The following SAFB variants were observed in gnomAD, a reference collection of about 807,000 sequenced individuals.
SAFB encodes the protein scaffold attachment factor B, also known as scaffold attachment factor B1.
SAFB carries 15 observed loss-of-function variants against 101.6 expected under a neutral mutation model. The ratio of observed to expected loss-of-function variants is 0.15; its 90% CI spans 0.10 to 0.23. The LOEUF (loss-of-function observed/expected upper bound fraction) is 0.23, where lower values mean the gene tolerates loss of function less well. Ranked by LOEUF, SAFB falls within the 10% of genes least tolerant of loss-of-function variation. SAFB has a pLI of 1.00. For synonymous variants in SAFB, 449 were observed against 407.5 expected (o/e 1.10, Z -1.23); for missense variants, 930 against 1,104.1 (o/e 0.84, Z 2.23).
At chr19:5,658,610 G>A (rs974952254) in intron 14 of SAFB, among the ~76,000 whole-genome samples, 3 of 146,446 alleles carry the variant, frequency 2.0e-5, no homozygotes, top group Non-Finnish European at 4.5e-5. Context: ...GAGGCCGACC[G>A]AGGCTGGCGG....
intron 14 of SAFB, among the ~76,000 whole-genome samples, chr19:5,659,585 G>A (rs1429367361): frequency 6.6e-6 from 1 of 151,834 alleles, no homozygotes; most frequent in African/African-American, 2.4e-5. Context: ...GTTTCACCGT[G>A]TTAGCCAGGA....
chr19:5,660,408 A>G (rs897439688), intron 14 of SAFB, among the ~76,000 whole-genome samples: 1 of 123,294 alleles, frequency 8.1e-6, no homozygotes, highest in Non-Finnish European at 1.6e-5. Context: ...GCTGGAGTTA[A>G]GTGGTGCAAT....
intron 15 of SAFB, 66 bp from the exon 16 acceptor site, chr19:5,663,956 C>G: frequency 6.4e-7 from 1 of 1,554,996 alleles, no homozygotes; most frequent in Non-Finnish European, 8.8e-7. Flanking sequence ...GGGCCAGCTC[C>G]CACAAAGGTG....
intron 2 of SAFB, among the ~76,000 whole-genome samples, chr19:5,626,979 G>C (rs1400952684): frequency 2.6e-5 from 4 of 152,112 alleles, no homozygotes; most frequent in African/African-American, 9.7e-5. Context: ...AGGAGGTTGA[G>C]ATCAGCTTGG....
chr19:5,631,796 A>T (rs922069255), intron 2 of SAFB, among the ~76,000 whole-genome samples: 6 of 152,186 alleles, frequency 3.9e-5, no homozygotes, highest in African/African-American at 1.4e-4. Context: ...CTGTAAGCCC[A>T]ACAGTTTGGG....
At position 5,639,588 on chromosome 19, in the gene SAFB, G is replaced by A. The variant is rs377084540; in HGVS notation, c.275-2006G>A. 8.0e-4 allele frequency among the ~76,000 whole-genome samples: 121 copies of A among 151,584 alleles called. 1 individual carries two copies. The highest frequency in any genetic ancestry group is 2.9e-3 in the African/African-American group (118 of 41,372). ...GGCGCCTGTAATCCCAGCTACTCAG[G>A]CGGCTGAGGCAGGAGAATCACTTGA... On this transcript the variant is annotated intron_variant, in intron 2 of 20. Coordinates refer to ENST00000588852, the MANE Select transcript of SAFB (RefSeq NM_001201338.2).
At chr19:5,661,884 GAT>G in intron 15 of SAFB, 76 bp downstream of exon 15, 1 of 966,100 alleles carries the variant, frequency 1.0e-6, no homozygotes. Flanking sequence ...GTTAGCTTGA[GAT>G]TTTTTTTTTT....
chr19:5,644,733 C>A (rs953680480), intron 4 of SAFB, among the ~76,000 whole-genome samples: 3 of 152,206 alleles, frequency 2.0e-5, no homozygotes, highest in Non-Finnish European at 4.4e-5. Flanking sequence ...ATTATCTGAA[C>A]CCCCTTTCTT....
chr19:5,661,347 C>CA, intron 14 of SAFB, 171 bp from the exon 15 acceptor site: 1 of 1,175,214 alleles, frequency 8.5e-7, no homozygotes, highest in South Asian at 1.6e-5. Context: ...TCTTCCTGGG[C>CA]TGCTCCTGTG....
At position 5,623,238 on chromosome 19, in the gene SAFB, T is replaced by C. The variant is rs750912541; in HGVS notation, c.33T>C (p.Ser11=). The C allele has an allele frequency of 1.0e-5, 16 of 1,606,926 alleles. No homozygotes were observed. In the East Asian group the frequency reaches 2.7e-4, roughly 27 times the overall value. MAETLSGLGD[S]GAAGAAALSS... ...AGACTCTGTCAGGCCTAGGTGATTC[T>C]GGAGCGGCGGGCGCGGCGGCTCTGA... Residue 11 remains serine (S), a synonymous_variant, in exon 1 of 21, where the codon TCT becomes TCC. Coordinates refer to ENST00000588852, the MANE Select transcript of SAFB (RefSeq NM_001201338.2).
At chr19:5,659,301 G>C (rs2054140425) in intron 14 of SAFB, among the ~76,000 whole-genome samples, 1 of 152,124 alleles carries the variant, frequency 6.6e-6, no homozygotes, top group African/African-American at 2.4e-5. Flanking sequence ...GCAAAACGCT[G>C]TCTCAAATAA....
chr19:5,659,470 C>T (rs1317520186), intron 14 of SAFB, among the ~76,000 whole-genome samples: 5 of 151,814 alleles, frequency 3.3e-5, no homozygotes, highest in Non-Finnish European at 5.9e-5. Context: ...CAAGCTCCGT[C>T]CCCTGGGTTC....
chr19:5,637,582 C>G (rs1409915800), intron 2 of SAFB, among the ~76,000 whole-genome samples: 2 of 151,716 alleles, frequency 1.3e-5, no homozygotes, highest in Non-Finnish European at 2.9e-5. Context: ...CTTGAGGATC[C>G]CTTGATGCTG....
chr19:5,631,281 C>T (rs576880770), intron 2 of SAFB, among the ~76,000 whole-genome samples: 7 of 152,286 alleles, frequency 4.6e-5, no homozygotes, highest in South Asian at 2.1e-4. Flanking sequence ...AAATAAAAGT[C>T]GCTGTTGTGA....
chr19:5,662,175 G>A (rs2054226733), intron 15 of SAFB, among the ~76,000 whole-genome samples: 1 of 151,368 alleles, frequency 6.6e-6, no homozygotes, highest in South Asian at 2.2e-4. Flanking sequence ...GTGAGCCACC[G>A]CGACCGGCCA....
rs578138745 is a variant in SAFB at position 5,632,374 on chromosome 19, A to C, written c.274+5885A>C. Among the ~76,000 whole-genome samples the C allele has an allele frequency of 1.4e-4, 21 of 152,304 alleles. No individual in the cohort carries two copies. In the East Asian group the frequency reaches 4.1e-3, roughly 29 times the overall value. ...TGTATGTATGTTTTTACTAGACCGC[A>C]TGGTAAGTTGCAAGGCGCATATGCC... On this transcript the variant is annotated intron_variant, in intron 2 of 20. Coordinates refer to ENST00000588852, the MANE Select transcript of SAFB (RefSeq NM_001201338.2).
Position 5,624,680 on chromosome 19 carries a change from A to G in SAFB, c.189+1286A>G, listed in dbSNP as rs2053310165. Among the ~76,000 whole-genome samples the G allele has an allele frequency of 2.0e-5, 3 of 147,446 alleles. No homozygotes were observed. In the South Asian group the frequency reaches 6.5e-4, roughly 32 times the overall value. On this transcript the variant is annotated intron_variant, in intron 1 of 20. Transcript: ENST00000588852. Reference sequence around the variant, plus strand: ...TTATTATTAATTGGTGATGAGAAGAAGTAGGGATTTTTTTTTTTTTTTTTT... The same window carrying G: ...TTATTATTAATTGGTGATGAGAAGAGGTAGGGATTTTTTTTTTTTTTTTTT...
chr19:5,638,138 T>G (rs972716511), intron 2 of SAFB, among the ~76,000 whole-genome samples: 4 of 152,154 alleles, frequency 2.6e-5, no homozygotes, highest in African/African-American at 9.7e-5. Context: ...ATGCCTGCCC[T>G]TGTGAACTGT....
chr19:5,656,759 T>A (rs1421108962), intron 13 of SAFB, among the ~76,000 whole-genome samples: 1 of 151,432 alleles, frequency 6.6e-6, no homozygotes, highest in African/African-American at 2.4e-5. Context: ...ATTTTTTATT[T>A]ATTTATTTAT....
Sources: gnomAD v4.1 joint callset for allele counts (sites outside exome capture counted in the v4.1 genomes callset) on GRCh38, gnomAD v4.1.1 for gene constraint, MANE v1.5 for transcripts, NCBI Gene and HGNC (gene_info 2026-07-23, HGNC 2026-07-21) for gene names.